Variants in SEMA5B observed in about 807,000 individuals in gnomAD.
The protein encoded by SEMA5B is semaphorin-5B.
Under a neutral mutation model 135.0 loss-of-function variants are expected in SEMA5B, and 66 were observed. The observed-to-expected ratio is 0.49, with a 90% CI of 0.40 to 0.60. SEMA5B has a LOEUF of 0.60. Among genes scored for constraint, SEMA5B ranks in the 20% least tolerant of loss-of-function variants. The probability of loss-of-function intolerance (pLI) is 0.00; values close to 1 mark genes in which losing one functional copy is unlikely to be tolerated. For synonymous variants in SEMA5B, 690 were observed against 639.5 expected, an observed-to-expected ratio of 1.08 and a Z score of -1.19; for missense variants, 1,501 against 1,566.3, an observed-to-expected ratio of 0.96 and a Z score of 0.70.
intron 1 of SEMA5B, among the ~76,000 whole-genome samples, chr3:122,967,658 G>A (rs1227290569): frequency 2.6e-5 from 4 of 152,186 alleles, no homozygotes; most frequent in African/African-American, 4.8e-5. Flanking sequence ...AGGGCTCCTC[G>A]TGGGATCATG....
intron 2 of SEMA5B, among the ~76,000 whole-genome samples, chr3:122,954,769 T>C (rs1175448600): frequency 2.7e-5 from 4 of 150,668 alleles, no homozygotes; most frequent in East Asian, 3.9e-4. Context: ...AACAGAAAAA[T>C]ATGGGCCCTG....
At position 122,922,342 on chromosome 3, in the gene SEMA5B, G is replaced by T. The variant is rs760511289; in HGVS notation, c.1378C>A (p.Pro460Thr). The change falls in exon 11 of 23, where the codon CCC (proline) becomes ACC (threonine). Residue 460 changes from proline to threonine, a missense_variant. Physicochemically the swap from Pro to Thr is conservative, Grantham distance 38 (BLOSUM62 -1). Transcript: ENST00000357599. ...CTGTCCTGGGTGACACAGGGCTCGG[G>T]TGTCACCGGCTGCACGGCCTCGCTC... ...LMSEAVQPVT[P>T]EPCVTQDSVR... 30 of 1,613,716 alleles carry T rather than the reference G, an allele frequency of 1.9e-5. No homozygotes were observed. The highest frequency in any genetic ancestry group is 1.1e-5 in the South Asian group (1 of 91,002).
intron 1 of SEMA5B, among the ~76,000 whole-genome samples, chr3:122,966,010 G>A (rs1166217294): frequency 3.9e-5 from 6 of 152,246 alleles, no homozygotes; most frequent in South Asian, 4.2e-4. Flanking sequence ...GTGGCCCAGC[G>A]ACAACCAGCT....
rs1180441598 is a variant in SEMA5B, at chr3:122,926,042, T to C, written c.1136+350A>G. ...ATAGTCCTGAGGTTGGAAGGGACCT[T>C]AGTGAATTCCTGTTGAGCCTCCCTG... On this transcript the variant is annotated intron_variant, in intron 9 of 22. Coordinates refer to ENST00000357599, the MANE Select transcript of SEMA5B (RefSeq NM_001031702.4). Among the ~76,000 whole-genome samples the C allele has an allele frequency of 3.3e-5, 5 of 152,164 alleles. No individual in the cohort carries two copies. The East Asian group carries it at 9.6e-4, about 29-fold the overall frequency.
Position 122,915,403 on chromosome 3 carries a change from C to T in SEMA5B, c.1988+37G>A, listed in dbSNP as rs769031070. 7.0e-6 allele frequency: 11 copies of T among 1,565,376 alleles called. No homozygotes were observed. The South Asian group carries it at 1.3e-4, about 19-fold the overall frequency. ...TTTCCCTAGTTCTCCCCACCCTGGTCCAAGGCAGACACCATGTAAACCCTG... is the reference window on the plus strand; with the variant it reads ...TTTCCCTAGTTCTCCCCACCCTGGTTCAAGGCAGACACCATGTAAACCCTG... On this transcript the variant is annotated intron_variant, in intron 14 of 22. Coordinates refer to ENST00000357599, the MANE Select transcript of SEMA5B (RefSeq NM_001031702.4).
chr3:122,961,055 T>A (rs978822844), intron 2 of SEMA5B, 85 bp downstream of exon 2: 2 of 1,396,978 alleles, frequency 1.4e-6, no homozygotes, highest in Non-Finnish European at 1.9e-6. Context: ...ATGCTGATGA[T>A]GCCCCAGATG....
At chr3:123,011,855 A>C (rs1942444421) in intron 1 of SEMA5B, among the ~76,000 whole-genome samples, 1 of 152,184 alleles carries the variant, frequency 6.6e-6, no homozygotes, top group Non-Finnish European at 1.5e-5. Flanking sequence ...ACACAGAATG[A>C]GCCAGAAACC....
chr3:122,946,011 G>A (rs868785391), intron 3 of SEMA5B, among the ~76,000 whole-genome samples: 24 of 152,294 alleles, frequency 1.6e-4, no homozygotes, highest in Middle Eastern at 3.4e-3. Flanking sequence ...ACAGGCCAAG[G>A]GGACCAGAGG....
At chr3:122,952,471 C>T (rs1940101278) in intron 2 of SEMA5B, among the ~76,000 whole-genome samples, 1 of 152,236 alleles carries the variant, frequency 6.6e-6, no homozygotes, top group African/African-American at 2.4e-5. Context: ...CTTAACCTTT[C>T]TCTGCCTTAG....
At chr3:122,910,461 G>A (rs1937627035) in intron 22 of SEMA5B, among the ~76,000 whole-genome samples, 160 bp from the exon 23 acceptor site, 1 of 152,058 alleles carries the variant, frequency 6.6e-6, no homozygotes, top group African/African-American at 2.4e-5. Flanking sequence ...CCCAGCTGAG[G>A]GCCAGAACCC....
intron 2 of SEMA5B, among the ~76,000 whole-genome samples, chr3:122,955,322 T>A (rs920210876): frequency 5.9e-5 from 9 of 152,296 alleles, no homozygotes; most frequent in African/African-American, 1.7e-4. Context: ...GTTGTGGAGA[T>A]GAAATAAGTT....
intron 1 of SEMA5B, among the ~76,000 whole-genome samples, chr3:123,004,846 A>T (rs1243701698): frequency 6.6e-6 from 1 of 152,182 alleles, no homozygotes; most frequent in African/African-American, 2.4e-5. Flanking sequence ...GACCTATCAA[A>T]TCTGAATCTC....
intron 4 of SEMA5B, among the ~76,000 whole-genome samples, chr3:122,942,781 C>T (rs572783767): frequency 6.6e-6 from 1 of 152,330 alleles, no homozygotes; most frequent in South Asian, 2.1e-4. Context: ...GCATTTCCAA[C>T]ACATTCTCGG....
At chr3:122,998,035 GAT>G (rs922017863) in intron 1 of SEMA5B, among the ~76,000 whole-genome samples, 10 of 152,190 alleles carry the variant, frequency 6.6e-5, no homozygotes, top group Admixed American at 2.0e-4. Context: ...CGGTGACAGT[GAT>G]GTACCTGGCT....
At chr3:122,910,796 T>C (rs756866618) in intron 22 of SEMA5B, 44 bp downstream of exon 22, 75 of 1,435,156 alleles carry the variant, frequency 5.2e-5, no homozygotes, top group African/African-American at 1.1e-4. Context: ...GGCGACAGAG[T>C]GAGACTCCGT....
intron 1 of SEMA5B, among the ~76,000 whole-genome samples, chr3:123,021,681 A>T (rs1942681770): frequency 6.6e-6 from 1 of 152,230 alleles, no homozygotes; most frequent in African/African-American, 2.4e-5. Flanking sequence ...ATTTCCCTAA[A>T]GTTGCCTCCC....
chr3:122,937,559 G>T (rs983130134), intron 5 of SEMA5B, among the ~76,000 whole-genome samples: 1 of 152,180 alleles, frequency 6.6e-6, no homozygotes, highest in Non-Finnish European at 1.5e-5. Context: ...TAAGAGACAT[G>T]CTGGGAAAGG....
Position 122,926,588 on chromosome 3 carries a change from C to T in SEMA5B, c.940G>A (p.Val314Met), listed in dbSNP as rs759594255. Residue 314 changes from valine (V) to methionine (M), a missense_variant, in exon 9 of 23, where the codon GTG becomes ATG. Val to Met is a conservative substitution (Grantham distance 21). Transcript: ENST00000357599. ...CACACGCGGGCCACGCGAGAGTACA[C>T]GGTGCGTCCACAGTCGTGCTCCACT... is the stretch of plus-strand genomic sequence containing the variant. ...NAVEHDCGRTVYSRVARVCKN... is the reference protein window; with the variant it reads ...NAVEHDCGRTMYSRVARVCKN... 1.1e-5 allele frequency: 17 copies of T among 1,614,134 alleles called. No homozygotes were observed. The highest frequency in any genetic ancestry group is 3.3e-4 in the Middle Eastern group (2 of 6,084).
intron 1 of SEMA5B, among the ~76,000 whole-genome samples, chr3:123,018,398 T>C (rs1942607802): frequency 6.6e-6 from 1 of 152,238 alleles, no homozygotes; most frequent in South Asian, 2.1e-4. Flanking sequence ...CAGCGTTTTC[T>C]CCCTGTCTTA....
Sources: gnomAD v4.1 joint callset for allele counts (sites outside exome capture counted in the v4.1 genomes callset) on GRCh38, gnomAD v4.1.1 for gene constraint, MANE v1.5 for transcripts, NCBI Gene and HGNC (gene_info 2026-07-23, HGNC 2026-07-21) for gene names.